CLNK: variants seen among roughly 807,000 people sequenced by gnomAD.
CLNK encodes the protein cytokine dependent hematopoietic cell linker, also known as cytokine-dependent hematopoietic cell linker.
Under a neutral mutation model 68.6 loss-of-function variants are expected in CLNK, and 74 were observed. The observed-to-expected ratio is 1.08, with a 90% CI of 0.89 to 1.31. The LOEUF is 1.31. CLNK is among the 50% of genes most tolerant of loss of function. The pLI is 0.00. For synonymous variants in CLNK, 198 were observed against 172.2 expected (o/e 1.15, Z -1.17); for missense variants, 553 against 515.3 (o/e 1.07, Z -0.71).
chr4:10,599,206 G>A (rs967321659), intron 2 of CLNK, among the ~76,000 whole-genome samples: 1 of 152,300 alleles, frequency 6.6e-6, no homozygotes, highest in African/African-American at 2.4e-5. Flanking sequence ...CTGGGTCAAT[G>A]CCTGGTCCAC....
the CLNK span, among the ~76,000 whole-genome samples, chr4:10,691,719 T>C: frequency 6.6e-6 from 1 of 152,174 alleles, no homozygotes; most frequent in South Asian, 2.1e-4. Flanking sequence ...GAGGCTAAAT[T>C]GTTTCCAGGG....
intron 17 of CLNK, among the ~76,000 whole-genome samples, chr4:10,506,444 A>C (rs890164996): frequency 3.3e-5 from 5 of 152,188 alleles, no homozygotes; most frequent in African/African-American, 1.2e-4. Flanking sequence ...ATAAAGTTTC[A>C]TTATGTTAAG....
chr4:10,624,593 GTTTTTTTT>G (rs10559473), intron 2 of CLNK, among the ~76,000 whole-genome samples: 5,661 of 122,908 alleles, frequency 0.046, 172 homozygotes, highest in Middle Eastern at 0.11. Context: ...CGCCCGGCCA[GTTTTTTTT>G]TTTTTTTTTT....
intron 8 of CLNK, among the ~76,000 whole-genome samples, chr4:10,544,891 A>G (rs1719167552): frequency 6.6e-6 from 1 of 152,166 alleles, no homozygotes. Flanking sequence ...GTGCTAGCTC[A>G]GGTCCCTCTT....
intron 2 of CLNK, among the ~76,000 whole-genome samples, chr4:10,638,467 G>A (rs1723181881): frequency 6.6e-6 from 1 of 152,184 alleles, no homozygotes. Context: ...CATGGAATTT[G>A]CCCAGGATTG....
chr4:10,583,037 G>T (rs1019026739), intron 4 of CLNK, among the ~76,000 whole-genome samples: 2 of 152,042 alleles, frequency 1.3e-5, no homozygotes, highest in African/African-American at 2.4e-5. Context: ...GTATTTTCTC[G>T]CATGAACGCC....
At chr4:10,711,375 C>A in the CLNK span, among the ~76,000 whole-genome samples, 2 of 152,192 alleles carry the variant, frequency 1.3e-5, no homozygotes, top group African/African-American at 2.4e-5. Context: ...AGAAGACCTT[C>A]TGGTCCAATA....
intron 8 of CLNK, among the ~76,000 whole-genome samples, chr4:10,552,545 A>G (rs747349445): frequency 1.6e-4 from 25 of 152,144 alleles, no homozygotes; most frequent in South Asian, 6.2e-4. Flanking sequence ...CCTCCACCTT[A>G]GTGCCAACCT....
At chr4:10,729,016 C>T in the CLNK span, among the ~76,000 whole-genome samples, 1 of 152,138 alleles carries the variant, frequency 6.6e-6, no homozygotes, top group South Asian at 2.1e-4. Context: ...ATATCTTTTG[C>T]CATGAACTTC....
upstream of CLNK, among the ~76,000 whole-genome samples, chr4:10,689,081 C>T (rs1253260080): frequency 6.6e-6 from 1 of 151,976 alleles, no homozygotes; most frequent in Non-Finnish European, 1.5e-5. Flanking sequence ...CCTTACCTAA[C>T]CTTACCACTT....
chr4:10,722,865 C>G, the CLNK span, among the ~76,000 whole-genome samples: 1 of 152,136 alleles, frequency 6.6e-6, no homozygotes, highest in Non-Finnish European at 1.5e-5. Flanking sequence ...GCCTGGCCAG[C>G]ATGGCAAAAC....
At chr4:10,511,145 C>T (rs983974567) in intron 16 of CLNK, among the ~76,000 whole-genome samples, 15 of 151,390 alleles carry the variant, frequency 9.9e-5, no homozygotes, top group African/African-American at 3.2e-4. Flanking sequence ...GCAAAAAGAG[C>T]GGAAACTCTG....
chr4:10,609,430 G>A (rs1305606116), intron 2 of CLNK, among the ~76,000 whole-genome samples: 2 of 152,178 alleles, frequency 1.3e-5, no homozygotes, highest in South Asian at 4.1e-4. Context: ...TCACAGTAAG[G>A]CCCTCGGTTC....
At chr4:10,503,945 G>C (rs968439544) in intron 17 of CLNK, among the ~76,000 whole-genome samples, 5 of 150,910 alleles carry the variant, frequency 3.3e-5, no homozygotes, top group Non-Finnish European at 5.9e-5. Flanking sequence ...ACCACGCCTA[G>C]CTAATTTTTG....
rs565252725 is a variant in CLNK at position 10,491,064 on chromosome 4, C to T, written c.1141-451G>A. 1.3e-3 allele frequency among the ~76,000 whole-genome samples: 194 copies of T among 152,264 alleles called. 1 individual carries two copies. The highest frequency in any genetic ancestry group is 2.5e-3 in the Non-Finnish European group (170 of 68,030). ...ACAGGCATGAGCCACCACGCCTGAC[C>T]GGAAGTAGTTTTTAAAAAGAATATG... On this transcript the variant is annotated intron_variant, in intron 18 of 18. Transcript: ENST00000226951.
intron 13 of CLNK, among the ~76,000 whole-genome samples, chr4:10,527,472 C>A (rs776963383): frequency 1.4e-4 from 21 of 152,220 alleles, no homozygotes; most frequent in Admixed American, 1.3e-4. Context: ...CTCTGTTGAA[C>A]GATGCTGTCT....
intron 2 of CLNK, among the ~76,000 whole-genome samples, chr4:10,645,320 A>G (rs1229455790): frequency 6.6e-6 from 1 of 152,204 alleles, no homozygotes; most frequent in African/African-American, 2.4e-5. Context: ...GAGTCTAGTC[A>G]TTGCCCAGCC....
chr4:10,575,449 G>C (rs776149458), intron 4 of CLNK, among the ~76,000 whole-genome samples: 1 of 152,228 alleles, frequency 6.6e-6, no homozygotes, highest in African/African-American at 2.4e-5. Context: ...CTGACTACCG[G>C]TGTCAAGCAA....
At chr4:10,558,337 C>T (rs1039343552) in intron 8 of CLNK, 70 bp downstream of exon 8, 13 of 1,304,092 alleles carry the variant, frequency 1.0e-5, no homozygotes, top group Admixed American at 1.7e-5. Flanking sequence ...AACAGTAATG[C>T]GAGAGGATCT....
Sources: allele counts gnomAD v4.1 joint callset (sites outside exome capture counted in the v4.1 genomes callset), GRCh38; gene constraint gnomAD v4.1.1; transcripts MANE v1.5; gene names NCBI Gene and HGNC (gene_info 2026-07-23, HGNC 2026-07-21).